Variants in LRRC49 observed in about 807,000 individuals in gnomAD.
LRRC49 encodes the protein leucine-rich repeat-containing protein 49.
In LRRC49, 50 loss-of-function variants were observed where a neutral mutation model predicts 83.3. The observed-to-expected ratio is 0.60, with a 90% CI of 0.48 to 0.76. The LOEUF is 0.76. Ranked by LOEUF, LRRC49 falls within the 30% of genes least tolerant of loss-of-function variation. The probability of loss-of-function intolerance (pLI) is 0.00; values close to 1 mark genes in which losing one functional copy is unlikely to be tolerated. For synonymous variants in LRRC49, 286 were observed against 283.3 expected (o/e 1.01, Z -0.10); for missense variants, 704 against 809.1 (o/e 0.87, Z 1.58).
At chr15:71,048,102 T>TA (rs1448725694) in intron 15 of LRRC49, among the ~76,000 whole-genome samples, 1 of 142,640 alleles carries the variant, frequency 7.0e-6, no homozygotes, top group African/African-American at 2.6e-5. Context: ...TTTTTTTTTT[T>TA]AGAAACAAGG....
At chr15:70,872,842 G>C (rs1189464914) in intron 1 of LRRC49, 2 of 233,774 alleles carry the variant, frequency 8.6e-6, no homozygotes, top group Non-Finnish European at 1.7e-5. Context: ...ACTTGTGAGA[G>C]AAATGGCTCT....
At chr15:70,993,711 A>G (rs2037977435) in intron 11 of LRRC49, among the ~76,000 whole-genome samples, 1 of 152,244 alleles carries the variant, frequency 6.6e-6, no homozygotes, top group Non-Finnish European at 1.5e-5. Flanking sequence ...TTATGAAATA[A>G]TACAGGTCAG....
chr15:71,002,372 A>G (rs955826756), intron 11 of LRRC49, among the ~76,000 whole-genome samples: 1 of 152,190 alleles, frequency 6.6e-6, no homozygotes, highest in African/African-American at 2.4e-5. Flanking sequence ...TATAGACACA[A>G]AAAGGGAAGA....
chr15:70,901,301 GA>G (rs1018465362), intron 4 of LRRC49, among the ~76,000 whole-genome samples: 4 of 151,998 alleles, frequency 2.6e-5, no homozygotes, highest in Non-Finnish European at 4.4e-5. Context: ...TTGTAGTATA[GA>G]AAAAAACCAC....
chr15:71,041,383 C>A (rs928382859), intron 15 of LRRC49, among the ~76,000 whole-genome samples: 1 of 151,974 alleles, frequency 6.6e-6, no homozygotes, highest in Admixed American at 6.6e-5. Context: ...TTATTGAATA[C>A]CTGGAAATCC....
At chr15:70,939,868 T>A (rs1173897042) in intron 8 of LRRC49, among the ~76,000 whole-genome samples, 2 of 150,454 alleles carry the variant, frequency 1.3e-5, no homozygotes, top group African/African-American at 2.4e-5. Flanking sequence ...TTTTTTTTTT[T>A]AGGAAGGAAT....
chr15:70,935,069 T>C (rs2035548904), intron 7 of LRRC49, among the ~76,000 whole-genome samples: 1 of 152,198 alleles, frequency 6.6e-6, no homozygotes, highest in Non-Finnish European at 1.5e-5. Flanking sequence ...CTGAAAGAGA[T>C]GATTTTAAAA....
chr15:70,869,763 T>C (rs1218954467), intron 1 of LRRC49, among the ~76,000 whole-genome samples: 1 of 152,228 alleles, frequency 6.6e-6, no homozygotes, highest in Non-Finnish European at 1.5e-5. Context: ...CCTGTTATGC[T>C]TCCAATATTC....
intron 3 of LRRC49, chr15:70,898,527 C>A (rs777533845): frequency 1.6e-6 from 1 of 627,234 alleles, no homozygotes; most frequent in Non-Finnish European, 2.8e-6. Context: ...GTAACCCCAG[C>A]ACTTTGGGAG....
intron 11 of LRRC49, among the ~76,000 whole-genome samples, chr15:70,991,998 C>G (rs1050163057): frequency 6.6e-6 from 1 of 152,204 alleles, no homozygotes; most frequent in Non-Finnish European, 1.5e-5. Flanking sequence ...TTTCCTTCAG[C>G]TCACTTGGGA....
chr15:71,023,779 G>T (rs1484398823), intron 14 of LRRC49, among the ~76,000 whole-genome samples: 2 of 152,238 alleles, frequency 1.3e-5, no homozygotes, highest in East Asian at 3.8e-4. Flanking sequence ...CAGATTCTCA[G>T]TGACCACTCG....
chr15:70,888,705 C>T (rs147951740), upstream of LRRC49, among the ~76,000 whole-genome samples: 114 of 152,184 alleles, frequency 7.5e-4, 1 homozygote, highest in African/African-American at 2.7e-3. Context: ...AAGATAAAAA[C>T]ATTTAACTGA....
intron 2 of LRRC49, chr15:70,882,608 T>C (rs2033292069): frequency 6.2e-7 from 1 of 1,613,928 alleles, no homozygotes; most frequent in Non-Finnish European, 8.5e-7. Context: ...AGTAGTTGCA[T>C]TACACAGTCT....
At chr15:70,945,640 T>C (rs2035981582) in intron 8 of LRRC49, among the ~76,000 whole-genome samples, 1 of 139,380 alleles carries the variant, frequency 7.2e-6, no homozygotes, top group Non-Finnish European at 1.6e-5. Context: ...ATTAAAGATG[T>C]TTTTTTTTTT....
At chr15:71,004,864 T>G (rs992916407) in intron 11 of LRRC49, among the ~76,000 whole-genome samples, 2 of 151,754 alleles carry the variant, frequency 1.3e-5, no homozygotes, top group African/African-American at 4.8e-5. Flanking sequence ...AGGGACACAC[T>G]GAAGGGAAAG....
intron 6 of LRRC49, chr15:70,918,527 A>C (rs1379342145): frequency 6.6e-6 from 1 of 152,280 alleles, no homozygotes; most frequent in Non-Finnish European, 1.5e-5. Flanking sequence ...AAAAAAAATT[A>C]ACCTCATCTT....
chr15:70,929,769 C>CT (rs747102642), intron 7 of LRRC49, among the ~76,000 whole-genome samples: 13 of 152,226 alleles, frequency 8.5e-5, no homozygotes, highest in Non-Finnish European at 1.6e-4. Flanking sequence ...TTCATAGCAT[C>CT]TTTTCACCAG....
At chr15:70,949,231 T>G (rs1372135493) in intron 8 of LRRC49, among the ~76,000 whole-genome samples, 1 of 152,204 alleles carries the variant, frequency 6.6e-6, no homozygotes, top group African/African-American at 2.4e-5. Context: ...ACAACACACA[T>G]ACCTATATAG....
At chr15:70,992,543 G>A (rs576891314) in intron 11 of LRRC49, among the ~76,000 whole-genome samples, 1 of 152,322 alleles carries the variant, frequency 6.6e-6, no homozygotes, top group African/African-American at 2.4e-5. Flanking sequence ...ACCCTCAGCT[G>A]TAGGTCTGTT....
Sources: gnomAD v4.1 joint callset for allele counts (sites outside exome capture counted in the v4.1 genomes callset) on GRCh38, gnomAD v4.1.1 for gene constraint, MANE v1.5 for transcripts, NCBI Gene and HGNC (gene_info 2026-07-23, HGNC 2026-07-21) for gene names.